GBE1: variants seen among roughly 807,000 people sequenced by gnomAD.
GBE1 encodes the protein 1,4-alpha-glucan branching enzyme 1, also known as 1,4-alpha-glucan-branching enzyme.
GBE1 carries 70 observed loss-of-function variants against 88.8 expected under a neutral mutation model. That is an observed-to-expected ratio of 0.79 (90% CI 0.65 to 0.96). The LOEUF (loss-of-function observed/expected upper bound fraction) is 0.96, where lower values mean the gene tolerates loss of function less well. Ranked by LOEUF, GBE1 falls within the 40% of genes least tolerant of loss-of-function variation. GBE1 has a pLI of 0.00. For missense variants in GBE1, 872 were observed against 871.0 expected, an observed-to-expected ratio of 1.00 and a Z score of -0.01; for synonymous variants, 284 against 300.1, an observed-to-expected ratio of 0.95 and a Z score of 0.56.
chr3:81,547,701 G>A (rs1703226239), intron 12 of GBE1, among the ~76,000 whole-genome samples: 1 of 148,530 alleles, frequency 6.7e-6, no homozygotes, highest in Admixed American at 6.7e-5. Flanking sequence ...TGAATGAATG[G>A]TAAAAATCAC....
intron 1 of GBE1, among the ~76,000 whole-genome samples, chr3:81,744,116 A>T (rs910050810): frequency 2.0e-5 from 3 of 152,060 alleles, no homozygotes; most frequent in Non-Finnish European, 2.9e-5. Context: ...TTTTTCCAAA[A>T]GCTGTTATTT....
intron 1 of GBE1, among the ~76,000 whole-genome samples, chr3:81,756,457 T>C (rs915913357): frequency 2.0e-5 from 3 of 152,230 alleles, no homozygotes; most frequent in Non-Finnish European, 4.4e-5. Flanking sequence ...AAGTATTTAC[T>C]GTGAGGCAGG....
chr3:81,727,023 T>C (rs180691001), intron 1 of GBE1, among the ~76,000 whole-genome samples: 1 of 152,032 alleles, frequency 6.6e-6, no homozygotes, highest in African/African-American at 2.4e-5. Context: ...GAGGAGGGTA[T>C]GGGGTCCTGT....
Position 81,586,088 on chromosome 3 carries a change from T to A in GBE1, c.1335+4A>T, listed in dbSNP as rs1227713324. 2 of 1,572,066 alleles carry A rather than the reference T, an allele frequency of 1.3e-6. No homozygotes were observed. Among genetic ancestry groups the A allele is most frequent in the South Asian group, 2.3e-5 (2 of 87,816 alleles). Reference sequence around the variant, plus strand: ...AAACAAAAAATATTTACATGGACTCTTACCTGAATCCACTTATCTGGAATT... The same window carrying A: ...AAACAAAAAATATTTACATGGACTCATACCTGAATCCACTTATCTGGAATT... On this transcript the variant is annotated splice_donor_region_variant and intron_variant, in intron 10 of 15. Coordinates refer to ENST00000429644, the MANE Select transcript of GBE1 (RefSeq NM_000158.4).
intron 12 of GBE1, among the ~76,000 whole-genome samples, chr3:81,559,060 A>C (rs953304176): frequency 6.6e-6 from 1 of 151,868 alleles, no homozygotes. Flanking sequence ...GTCATAGAAA[A>C]TTTTTTTTCA....
intron 14 of GBE1, among the ~76,000 whole-genome samples, chr3:81,516,535 C>T (rs758139781): frequency 4.6e-5 from 7 of 151,566 alleles, no homozygotes; most frequent in Non-Finnish European, 1.0e-4. Context: ...ATGCACTCTG[C>T]ACCCTATGGA....
intron 1 of GBE1, among the ~76,000 whole-genome samples, chr3:81,731,242 C>T (rs116331371): frequency 9.3e-4 from 141 of 152,202 alleles, no homozygotes; most frequent in African/African-American, 3.2e-3. Flanking sequence ...GAGTAGATCA[C>T]GACACTTATT....
At chr3:81,504,924 G>A (rs938327294) in intron 14 of GBE1, among the ~76,000 whole-genome samples, 1 of 152,138 alleles carries the variant, frequency 6.6e-6, no homozygotes, top group African/African-American at 2.4e-5. Flanking sequence ...TTTATTGTAA[G>A]GTACAACCCT....
At position 81,586,075 on chromosome 3, in the gene GBE1, T is replaced by G. The variant is rs28763901; in HGVS notation, c.1335+17A>C. The G allele has an allele frequency of 3.3e-6, 5 of 1,500,512 alleles. No homozygotes were observed. Among genetic ancestry groups the G allele is most frequent in the Non-Finnish European group, 4.6e-6 (5 of 1,088,856 alleles). The allele number at this position is 1,500,512 out of a possible 1,614,324, so 92.9% of individuals were successfully genotyped here. ...ACAGTATTCACAGAAACAAAAAATA[T>G]TTACATGGACTCTTACCTGAATCCA... is the stretch of plus-strand genomic sequence containing the variant. On this transcript the variant is annotated intron_variant, in intron 10 of 15. Transcript: ENST00000429644.
intron 2 of GBE1, among the ~76,000 whole-genome samples, chr3:81,685,156 T>C (rs188288238): frequency 1.3e-5 from 2 of 152,246 alleles, no homozygotes; most frequent in Admixed American, 6.5e-5. Context: ...GAGGTAAACT[T>C]GTATACTCTA....
intron 15 of GBE1, among the ~76,000 whole-genome samples, chr3:81,490,727 CCT>C (rs754693258): frequency 6.6e-6 from 1 of 151,948 alleles, no homozygotes; most frequent in Non-Finnish European, 1.5e-5. Flanking sequence ...CGTGAATGGC[CCT>C]GTTACTGCCA....
chr3:81,687,620 T>A (rs1320254763), intron 2 of GBE1, among the ~76,000 whole-genome samples: 1 of 152,118 alleles, frequency 6.6e-6, no homozygotes, highest in Non-Finnish European at 1.5e-5. Flanking sequence ...TGCAAATGAT[T>A]TCTGTGGAAT....
chr3:81,749,069 G>C (rs1706459199), intron 1 of GBE1, among the ~76,000 whole-genome samples: 1 of 151,338 alleles, frequency 6.6e-6, no homozygotes, highest in Admixed American at 6.6e-5. Context: ...TAAAACAAAT[G>C]CTTGCCACGT....
chr3:81,536,162 G>A (rs1409146943), intron 13 of GBE1, among the ~76,000 whole-genome samples: 1 of 151,602 alleles, frequency 6.6e-6, no homozygotes, highest in Non-Finnish European at 1.5e-5. Context: ...TAGGGCATTC[G>A]TGTCATGGAA....
At chr3:81,752,933 CTAA>C (rs1706550971) in intron 1 of GBE1, among the ~76,000 whole-genome samples, 2 of 152,086 alleles carry the variant, frequency 1.3e-5, no homozygotes, top group African/African-American at 2.4e-5. Flanking sequence ...TATTAGTTTG[CTAA>C]TAATATTATC....
chr3:81,491,724 T>TA (rs879519536), intron 15 of GBE1, among the ~76,000 whole-genome samples: 48 of 144,860 alleles, frequency 3.3e-4, no homozygotes, highest in Middle Eastern at 3.5e-3. Flanking sequence ...CCTGATGGTT[T>TA]AAAAAAAAAA....
intron 1 of GBE1, among the ~76,000 whole-genome samples, chr3:81,722,915 T>C (rs547206865): frequency 7.8e-4 from 114 of 145,480 alleles, no homozygotes; most frequent in Middle Eastern, 7.1e-3. Context: ...TATATATATA[T>C]ACACACAAGT....
At chr3:81,611,706 T>C (rs1704184833) in intron 7 of GBE1, among the ~76,000 whole-genome samples, 1 of 152,198 alleles carries the variant, frequency 6.6e-6, no homozygotes, top group Admixed American at 6.5e-5. Flanking sequence ...TTTCCAAGTC[T>C]AGAGTCTGAA....
intron 1 of GBE1, among the ~76,000 whole-genome samples, chr3:81,739,683 C>A (rs986152597): frequency 2.0e-5 from 3 of 152,114 alleles, no homozygotes; most frequent in Non-Finnish European, 4.4e-5. Context: ...TCTCTAGTTA[C>A]CTTTTTTTAT....
Sources: gnomAD v4.1 joint callset for allele counts (sites outside exome capture counted in the v4.1 genomes callset) on GRCh38, gnomAD v4.1.1 for gene constraint, MANE v1.5 for transcripts, NCBI Gene and HGNC (gene_info 2026-07-23, HGNC 2026-07-21) for gene names.